Variants in MIR2052HG observed in about 807,000 individuals in gnomAD.
The protein encoded by MIR2052HG is MIR2052 host gene.
chr8:74,668,669 T>C (rs1808958120), intron 2 of MIR2052HG, among the ~76,000 whole-genome samples: 1 of 152,190 alleles, frequency 6.6e-6, no homozygotes, highest in Non-Finnish European at 1.5e-5. Flanking sequence ...AAAGGAATTA[T>C]CATGTCCATG....
intron 3 of MIR2052HG, chr8:74,703,458 ACAATAATTCCTAGGCACC>A (rs1283411290): frequency 3.8e-6 from 1 of 264,228 alleles, no homozygotes; most frequent in African/African-American, 2.3e-5. Flanking sequence ...CTCCAAGCTA[ACAATAATTCCTAGGCACC>A]CAAACGATGA....
chr8:74,660,491 T>C (rs1413409680), intron 2 of MIR2052HG, among the ~76,000 whole-genome samples: 1 of 152,214 alleles, frequency 6.6e-6, no homozygotes, highest in Non-Finnish European at 1.5e-5. Flanking sequence ...TTCAGTGTGC[T>C]AAACACATAC....
At chr8:74,625,534 A>G (rs1808422973) in intron 2 of MIR2052HG, among the ~76,000 whole-genome samples, 1 of 152,254 alleles carries the variant, frequency 6.6e-6, no homozygotes, top group Non-Finnish European at 1.5e-5. Flanking sequence ...TTTTGATAAA[A>G]CAGCACAAAT....
At chr8:74,695,808 C>T (rs1410793845) in intron 2 of MIR2052HG, among the ~76,000 whole-genome samples, 16 of 152,060 alleles carry the variant, frequency 1.1e-4, no homozygotes, top group Admixed American at 1.0e-3. Flanking sequence ...AACACTGGAG[C>T]TCCCAAATTT....
At chr8:74,645,863 C>T (rs2128735691) in intron 2 of MIR2052HG, among the ~76,000 whole-genome samples, 1 of 152,268 alleles carries the variant, frequency 6.6e-6, no homozygotes, top group South Asian at 2.1e-4. Context: ...AGAAAATCGT[C>T]CTTTTAATCT....
chr8:74,671,142 G>A (rs898852533), intron 2 of MIR2052HG, among the ~76,000 whole-genome samples: 6 of 151,288 alleles, frequency 4.0e-5, no homozygotes, highest in Non-Finnish European at 8.8e-5. Context: ...GTGTGTAGGT[G>A]GTGGGTAATG....
chr8:74,603,405 C>T (rs1177035026), intron 1 of MIR2052HG: 7 of 1,610,378 alleles, frequency 4.3e-6, no homozygotes, highest in Non-Finnish European at 5.1e-6. Flanking sequence ...TAGATCCTTC[C>T]ACTGGGTTCG....
chr8:74,708,794 TAAAA>T (rs201500233), intron 4 of MIR2052HG, among the ~76,000 whole-genome samples: 2 of 149,682 alleles, frequency 1.3e-5, no homozygotes, highest in Non-Finnish European at 3.0e-5. Flanking sequence ...AATTTAAATT[TAAAA>T]AAAATTTAAA....
chr8:74,713,582 G>T (rs1433656913), intron 4 of MIR2052HG, among the ~76,000 whole-genome samples: 1 of 151,154 alleles, frequency 6.6e-6, no homozygotes, highest in Non-Finnish European at 1.5e-5. Context: ...TCCTACTGAT[G>T]CCATTTCACA....
intron 2 of MIR2052HG, among the ~76,000 whole-genome samples, chr8:74,663,273 T>C (rs1808886776): frequency 6.6e-6 from 1 of 152,058 alleles, no homozygotes; most frequent in Non-Finnish European, 1.5e-5. Context: ...ATGACAAAGT[T>C]TATTGGGTTA....
At chr8:74,754,868 C>T (rs1809983518) in intron 5 of MIR2052HG, among the ~76,000 whole-genome samples, 1 of 152,222 alleles carries the variant, frequency 6.6e-6, no homozygotes. Context: ...ACTCTCACTA[C>T]AAACTAGGCA....
chr8:74,674,997 A>G (rs1285038723), intron 2 of MIR2052HG, among the ~76,000 whole-genome samples: 1 of 152,010 alleles, frequency 6.6e-6, no homozygotes, highest in Non-Finnish European at 1.5e-5. Context: ...ATTGCAGTAG[A>G]AAATTTTCCA....
At chr8:74,688,397 A>G (rs1326850204) in intron 2 of MIR2052HG, among the ~76,000 whole-genome samples, 8 of 152,358 alleles carry the variant, frequency 5.3e-5, no homozygotes, top group African/African-American at 1.9e-4. Flanking sequence ...GTCTTAAAGA[A>G]CTAATCATTT....
chr8:74,655,638 G>A (rs1404499492), intron 2 of MIR2052HG, among the ~76,000 whole-genome samples: 1 of 152,208 alleles, frequency 6.6e-6, no homozygotes, highest in Admixed American at 6.5e-5. Flanking sequence ...ATGCTTGGAT[G>A]CCCAGGCAAA....
At chr8:74,712,731 T>G (rs999427763) in intron 4 of MIR2052HG, among the ~76,000 whole-genome samples, 2 of 151,846 alleles carry the variant, frequency 1.3e-5, no homozygotes, top group African/African-American at 4.8e-5. Flanking sequence ...CTATTCACCT[T>G]GATCATTCAA....
chr8:74,755,114 C>T (rs1349266563), intron 5 of MIR2052HG, among the ~76,000 whole-genome samples: 1 of 152,190 alleles, frequency 6.6e-6, no homozygotes, highest in African/African-American at 2.4e-5. Context: ...TCTTCTAAAT[C>T]ATAATAGCTC....
At chr8:74,705,593 A>G in intron 4 of MIR2052HG, 1 of 170,086 alleles carries the variant, frequency 5.9e-6, no homozygotes. Flanking sequence ...CCTTCAGTAA[A>G]ACATAGAGAT....
At chr8:74,674,177 C>G (rs1318026178) in intron 2 of MIR2052HG, among the ~76,000 whole-genome samples, 1 of 148,952 alleles carries the variant, frequency 6.7e-6, no homozygotes, top group East Asian at 2.0e-4. Context: ...TATCATTTAT[C>G]TAGACAGAGC....
intron 1 of MIR2052HG, chr8:74,612,663 T>C (rs73687176): frequency 9.1e-6 from 3 of 329,994 alleles, no homozygotes; most frequent in Non-Finnish European, 1.8e-5. Flanking sequence ...CTTTAGAAAG[T>C]CTGGAAAATG....
Sources: gnomAD v4.1 joint callset for allele counts (sites outside exome capture counted in the v4.1 genomes callset) on GRCh38, gnomAD v4.1.1 for gene constraint, MANE v1.5 for transcripts, NCBI Gene and HGNC (gene_info 2026-07-23, HGNC 2026-07-21) for gene names.